TICRR: variants seen among roughly 807,000 people sequenced by gnomAD.
TICRR encodes treslin.
A neutral mutation model predicts 178.1 loss-of-function variants in TICRR; 132 were observed. The observed-to-expected ratio is 0.74, with a 90% CI of 0.64 to 0.86. The LOEUF is 0.86. Among genes scored for constraint, TICRR ranks in the 40% least tolerant of loss-of-function variants. The pLI is 0.00. For synonymous variants in TICRR, 991 were observed against 900.7 expected (o/e 1.10, Z -1.79); for missense variants, 2,587 against 2,334.3 (o/e 1.11, Z -2.23).
Position 89,620,862 on chromosome 15 carries a change from A to G in TICRR, c.3155-531A>G, listed in dbSNP as rs183463559. On this transcript the variant is annotated intron_variant, in intron 18 of 21. Transcript: ENST00000268138. ...CTCAGCCTCCTGAGTAGCTGGGACT[A>G]CAGGCGCCCGCCACCACGCCCAGCT... Among the ~76,000 whole-genome samples, 53 of 151,998 alleles carry G rather than the reference A, an allele frequency of 3.5e-4. No homozygotes were observed. In the East Asian group the frequency reaches 9.9e-3, roughly 28 times the overall value.
chr15:89,617,994 C>T (rs1320775308), intron 16 of TICRR, 158 bp from the exon 17 acceptor site: 2 of 772,052 alleles, frequency 2.6e-6, no homozygotes, highest in Admixed American at 4.0e-5. Context: ...GGCCAGCCTC[C>T]CTCTTGACAA....
rs746677398 is a variant in TICRR, at chr15:89,625,711, A to T, written c.5401A>T (p.Lys1801Ter). 6.2e-7 allele frequency: 1 copy of T among 1,612,968 alleles called. No individual in the cohort carries two copies. Among genetic ancestry groups the T allele is most frequent in the Admixed American group, 1.7e-5 (1 of 60,006 alleles). ...CDLREDSEVS[K>*]SKEGSPSWSA... is the part of the protein sequence containing the mutation. Reference sequence around the variant, plus strand: ...CCTGAGAGAAGATTCAGAAGTTAGTAAGAGTAAAGAGGGGTCTCCAAGTTG... The same window carrying T: ...CCTGAGAGAAGATTCAGAAGTTAGTTAGAGTAAAGAGGGGTCTCCAAGTTG... The change falls in exon 20 of 22, where the codon AAG becomes TAG. Residue 1801 changes from lysine (K) to a stop codon, truncating the protein, a stop_gained. Transcript: ENST00000268138. LOFTEE classifies it high-confidence loss of function.
In TICRR at chr15:89,627,032, C is replaced by A. The variant is rs774055628; in HGVS notation, c.5679C>A (p.Ile1893=). 48 of 1,614,056 alleles carry A rather than the reference C, an allele frequency of 3.0e-5. 1 individual carries two copies. The highest frequency in any genetic ancestry group is 3.3e-4 in the Middle Eastern group (2 of 6,082). ...GCGCTTTCTCCAGGAGGCGCCCCAT[C>A]AGCAGAACTTATACACGGAAGAAGC... ...FSRAFSRRRP[I]SRTYTRKKLM... Residue 1893 remains isoleucine, a synonymous_variant, in exon 22 of 22, where the codon ATC becomes ATA. Coordinates refer to ENST00000268138, the MANE Select transcript of TICRR (RefSeq NM_152259.4).
intron 4 of TICRR, among the ~76,000 whole-genome samples, chr15:89,586,869 T>G (rs1167447269): frequency 2.0e-5 from 3 of 152,206 alleles, no homozygotes; most frequent in Admixed American, 6.5e-5. Flanking sequence ...TTACAGGCAC[T>G]GAAAAGACTT....
At position 89,624,402 on chromosome 15, in the gene TICRR, CT is replaced by C; in HGVS notation, c.4093del (p.Ser1365HisfsTer63). On this transcript the variant is annotated frameshift_variant, in exon 20 of 22. Transcript: ENST00000268138. LOFTEE classifies it high-confidence loss of function. ...CPVPSTPPELSQRATLDTVPP... is the reference protein window; with the variant it reads ...CPVPSTPPELXQRATLDTVPP... ...CTGTTCCCTCAACTCCCCCTGAACT[CT>C]CACAGAGAGCTACATTGGACACCGT... 6.2e-7 allele frequency: 1 copy of C among 1,614,192 alleles called. No individual in the cohort carries two copies.
chr15:89,601,604 G>T (rs1270106334), intron 11 of TICRR, 36 bp downstream of exon 11: 2 of 1,612,556 alleles, frequency 1.2e-6, no homozygotes, highest in Non-Finnish European at 8.5e-7. Flanking sequence ...CTTTAAAATT[G>T]TTTTGTCAAA....
chr15:89,577,238 G>C (rs530011893), intron 1 of TICRR, among the ~76,000 whole-genome samples: 2 of 142,534 alleles, frequency 1.4e-5, no homozygotes, highest in African/African-American at 5.3e-5. Context: ...AGTATTGGCT[G>C]ACTAAATGAG....
chr15:89,627,078 G>A lies in TICRR; in HGVS notation c.5725G>A (p.Asp1909Asn). The change falls in exon 22 of 22, where the codon GAC (aspartate) becomes AAC (asparagine). Residue 1909 changes from aspartate to asparagine, a missense_variant. Transcript: ENST00000268138. ...GAAGCTCATGGGAACCTGGCTGGAG[G>A]ACTTATAGCCACAAACATTACTGAG... ...RKKLMGTWLE[D>N]L 1 of 1,613,996 alleles carries A rather than the reference G, an allele frequency of 6.2e-7. No homozygotes were observed. Among genetic ancestry groups the A allele is most frequent in the Non-Finnish European group, 8.5e-7 (1 of 1,180,040 alleles).
At position 89,623,707 on chromosome 15, in the gene TICRR, T is replaced by C; in HGVS notation, c.3397T>C (p.Tyr1133His). The C allele has an allele frequency of 1.9e-6, 3 of 1,614,050 alleles. No homozygotes were observed. Among genetic ancestry groups the C allele is most frequent in the Non-Finnish European group, 2.5e-6 (3 of 1,179,998 alleles). ...RISHTPQTPL[Y>H]TPERLQKSPA... is the part of the protein sequence containing the mutation. ...CTCTCATACACCACAAACTCCGTTG[T>C]ATACTCCAGAAAGGCTGCAGAAGTC... Residue 1133 changes from tyrosine to histidine, a missense_variant, in exon 20 of 22, where the codon TAT (tyrosine) becomes CAT (histidine). Tyr to His is a moderately conservative substitution (Grantham distance 83). Coordinates refer to ENST00000268138, the MANE Select transcript of TICRR (RefSeq NM_152259.4).
At chr15:89,586,371 T>TAA (rs1470428089) in intron 4 of TICRR, among the ~76,000 whole-genome samples, 2 of 151,988 alleles carry the variant, frequency 1.3e-5, no homozygotes, top group African/African-American at 4.8e-5. Flanking sequence ...TATATATATA[T>TAA]AAAATCAACT....
At chr15:89,596,599 G>A (rs1305657389) in intron 7 of TICRR, among the ~76,000 whole-genome samples, 1 of 152,058 alleles carries the variant, frequency 6.6e-6, no homozygotes, top group Non-Finnish European at 1.5e-5. Context: ...AGCCTGCTTC[G>A]GCCTCCTAAA....
At chr15:89,591,894 C>T (rs1199375978) in intron 4 of TICRR, 153 bp from the exon 5 acceptor site, 2 of 532,856 alleles carry the variant, frequency 3.8e-6, no homozygotes, top group African/African-American at 1.9e-5. Flanking sequence ...AGGCCTGTAG[C>T]AGTTTGTGGT....
chr15:89,623,643 G>A lies in TICRR; in HGVS notation c.3333G>A (p.Gln1111=). 1 of 1,608,322 alleles carries A rather than the reference G, an allele frequency of 6.2e-7. No homozygotes were observed. The highest frequency in any genetic ancestry group is 8.5e-7 in the Non-Finnish European group (1 of 1,178,034). ...TTCAGACTCCCAAGAAGAGTCACCA[G>A]AAATCTCTGAGCTTTTCTAAAACTA... is the stretch of plus-strand genomic sequence containing the variant. ...AAYQTPKKSH[Q]KSLSFSKTTP... Residue 1111 remains glutamine, a synonymous_variant, in exon 20 of 22, where the codon CAG becomes CAA. Coordinates refer to ENST00000268138, the MANE Select transcript of TICRR (RefSeq NM_152259.4).
At chr15:89,593,728 T>A (rs894306023) in intron 5 of TICRR, among the ~76,000 whole-genome samples, 2 of 152,210 alleles carry the variant, frequency 1.3e-5, no homozygotes, top group Admixed American at 6.5e-5. Context: ...TGCTTCATAT[T>A]GGCTATATGA....
chr15:89,587,651 G>T (rs756463920), intron 4 of TICRR, among the ~76,000 whole-genome samples: 3 of 152,134 alleles, frequency 2.0e-5, no homozygotes, highest in Non-Finnish European at 4.4e-5. Flanking sequence ...GAAGATGAAG[G>T]CTGGGAGCTG....
intron 19 of TICRR, 132 bp from the exon 20 acceptor site, chr15:89,623,491 T>C (rs891183470): frequency 1.0e-6 from 1 of 985,700 alleles, no homozygotes; most frequent in Non-Finnish European, 1.5e-6. Flanking sequence ...GGGTCACTAT[T>C]TGAGATTTCC....
chr15:89,613,057 C>T (rs1414614137), intron 15 of TICRR, among the ~76,000 whole-genome samples: 2 of 152,154 alleles, frequency 1.3e-5, no homozygotes, highest in Non-Finnish European at 2.9e-5. Context: ...ACTTGAGTTA[C>T]CCTAGTGCCC....
At chr15:89,584,084 G>A (rs535398323) in intron 2 of TICRR, among the ~76,000 whole-genome samples, 2 of 152,276 alleles carry the variant, frequency 1.3e-5, no homozygotes, top group East Asian at 3.9e-4. Flanking sequence ...TTTTTCTATA[G>A]AGCTAAATGA....
In TICRR at chr15:89,575,934, C is replaced by T. The variant is rs752439482; in HGVS notation, c.348C>T (p.Pro116=). ...TGCTAGACTACCAGTGGGACCGGCC[C>T]GAGATCACGTCGCCCACGAAGCCGA... ...ETLLDYQWDR[P]EITSPTKPIL... is the part of the protein sequence containing the mutation. The change falls in exon 1 of 22, where the codon CCC becomes CCT. Residue 116 remains proline (P), a synonymous_variant. Coordinates refer to ENST00000268138, the MANE Select transcript of TICRR (RefSeq NM_152259.4). The T allele has an allele frequency of 5.6e-6, 9 of 1,596,124 alleles. No individual in the cohort carries two copies. Among genetic ancestry groups the T allele is most frequent in the African/African-American group, 4.0e-5 (3 of 74,684 alleles).
Sources: allele counts gnomAD v4.1 joint callset (sites outside exome capture counted in the v4.1 genomes callset), GRCh38; gene constraint gnomAD v4.1.1; transcripts MANE v1.5; gene names NCBI Gene and HGNC (gene_info 2026-07-23, HGNC 2026-07-21).